The following PLAC9 variants were observed in gnomAD, a reference collection of about 807,000 sequenced individuals.
PLAC9 encodes placenta associated 9, also known as placenta-specific protein 9.
In PLAC9, 12 loss-of-function variants were observed where a neutral mutation model predicts 11.5. The ratio of observed to expected loss-of-function variants is 1.05; its 90% confidence interval spans 0.67 to 1.69. PLAC9 has a LOEUF of 1.69. Among genes scored for constraint, PLAC9 ranks in the 40% most tolerant of loss-of-function variants. The pLI, the probability that PLAC9 is intolerant of heterozygous loss-of-function variation, is 0.00. For missense variants in PLAC9, 132 were observed against 130.5 expected (o/e 1.01, Z -0.06); for synonymous variants, 62 against 58.1 (o/e 1.07, Z -0.31).
chr10:80,142,106 G>A lies in PLAC9; in HGVS notation c.89G>A (p.Arg30Gln), dbSNP rs763721079. 2.2e-5 allele frequency: 35 copies of A among 1,610,716 alleles called. No homozygotes were observed. The highest frequency in any genetic ancestry group is 1.6e-4 in the African/African-American group (12 of 75,004). ...GCTGCCGAACCCTTCAGCCCTCCGC[G>A]AGGAGACTCAGCTCAGAGCACAGCG... ...LAAAEPFSPP[R>Q]GDSAQSTACD... The change falls in exon 2 of 4, where the codon CGA becomes CAA. Residue 30 changes from arginine to glutamine, a missense_variant. Physicochemically the swap from Arg to Gln is conservative, Grantham distance 43. Coordinates refer to ENST00000372263, the MANE Select transcript of PLAC9 (RefSeq NM_001012973.3).
chr10:80,143,212 G>C (rs369612370), intron 2 of PLAC9, among the ~76,000 whole-genome samples: 6 of 147,552 alleles, frequency 4.1e-5, no homozygotes, highest in African/African-American at 1.0e-4. Flanking sequence ...CTAATTTTTT[G>C]TACTTACCAT....
At chr10:80,133,893 G>A (rs1290674424) in intron 1 of PLAC9, among the ~76,000 whole-genome samples, 1 of 143,212 alleles carries the variant, frequency 7.0e-6, no homozygotes, top group Non-Finnish European at 1.5e-5. Context: ...GCAGTGAGCC[G>A]AGATCAAGCC....
upstream of PLAC9, among the ~76,000 whole-genome samples, chr10:80,132,301 A>G (rs1844921050): frequency 6.6e-6 from 1 of 152,222 alleles, no homozygotes; most frequent in Non-Finnish European, 1.5e-5. Context: ...AAAAGCTGCC[A>G]AACTCCCAGG....
rs560963413 is a variant in PLAC9, at chr10:80,143,389, A to ATTTTTTTTTTTTT, written c.163-820_163-808dup. Reference sequence around the variant, plus strand: ...AAAAAGTTTAATTTTAAATACTTGAATTTTTTTTTTTTTTTTTTTTTTTTT... The same window carrying ATTTTTTTTTTTTT: ...AAAAAGTTTAATTTTAAATACTTGAATTTTTTTTTTTTTTTTTTTTTTTTTTTTTTTTTTTTTT... On this transcript the variant is annotated intron_variant, in intron 2 of 3. Coordinates refer to ENST00000372263, the MANE Select transcript of PLAC9 (RefSeq NM_001012973.3). Among the ~76,000 whole-genome samples, 44 of 89,944 alleles carry ATTTTTTTTTTTTT rather than the reference A, an allele frequency of 4.9e-4. 4 individuals are homozygous for ATTTTTTTTTTTTT. Among genetic ancestry groups the ATTTTTTTTTTTTT allele is most frequent in the African/African-American group, 2.2e-3 (44 of 19,966 alleles). 59.0% of individuals were successfully genotyped at this position (89,944 alleles called of 152,430 possible). A position where few individuals can be genotyped will look rare whatever the true frequency, so the allele number is the denominator to read the frequency against.
chr10:80,142,779 T>G (rs1329510011), intron 2 of PLAC9, among the ~76,000 whole-genome samples: 2 of 152,106 alleles, frequency 1.3e-5, no homozygotes, highest in African/African-American at 4.8e-5. Flanking sequence ...AGTGCCGTGG[T>G]GCAGTCTCGG....
Position 80,132,814 on chromosome 10 carries a change from G to A in PLAC9, c.52G>A (p.Gly18Ser). ...LTGLALLRAA[G>S]SLAAAEPFSP... is the part of the protein sequence containing the mutation. ...CGGACTGGCCCTGCTCCGCGCCGCGGGCTCTTTGGCCGGTGAGTGGGGCGC... is the reference window on the plus strand; with the variant it reads ...CGGACTGGCCCTGCTCCGCGCCGCGAGCTCTTTGGCCGGTGAGTGGGGCGC... The change falls in exon 1 of 4, where the codon GGC becomes AGC. Residue 18 changes from glycine to serine, a missense_variant. Transcript: ENST00000372263. 6.7e-7 allele frequency: 1 copy of A among 1,497,382 alleles called. No individual in the cohort carries two copies. Among genetic ancestry groups the A allele is most frequent in the Non-Finnish European group, 8.8e-7 (1 of 1,130,966 alleles). 92.8% of individuals were successfully genotyped at this position (1,497,382 alleles called of 1,614,324 possible). A position where few individuals can be genotyped will look rare whatever the true frequency, so the allele number is the denominator to read the frequency against.
At chr10:80,133,183 G>T (rs1844932942) in intron 1 of PLAC9, among the ~76,000 whole-genome samples, 1 of 152,206 alleles carries the variant, frequency 6.6e-6, no homozygotes, top group African/African-American at 2.4e-5. Flanking sequence ...GATTAAAATG[G>T]CAAGGGGTGG....
chr10:80,140,219 T>A (rs1225220252), intron 1 of PLAC9, among the ~76,000 whole-genome samples: 1 of 148,502 alleles, frequency 6.7e-6, no homozygotes, highest in East Asian at 2.0e-4. Context: ...TCCAATGCTT[T>A]AAAAAAAAAA....
intron 1 of PLAC9, among the ~76,000 whole-genome samples, chr10:80,134,637 C>A (rs1416820087): frequency 2.6e-5 from 4 of 152,126 alleles, no homozygotes; most frequent in African/African-American, 9.7e-5. Context: ...ATAAACATAA[C>A]TGCAATGCTA....
At chr10:80,135,275 G>T (rs11201833) in intron 1 of PLAC9, among the ~76,000 whole-genome samples, 41 of 147,122 alleles carry the variant, frequency 2.8e-4, no homozygotes, top group South Asian at 2.1e-4. Flanking sequence ...GCCCGCCTCG[G>T]CCTCCCAAAG....
chr10:80,140,509 C>T (rs559499578), intron 1 of PLAC9, among the ~76,000 whole-genome samples: 1 of 152,320 alleles, frequency 6.6e-6, no homozygotes, highest in South Asian at 2.1e-4. Flanking sequence ...ATCTGTAAAG[C>T]TCTTGGCTTC....
chr10:80,135,110 C>T (rs1844959805), intron 1 of PLAC9, among the ~76,000 whole-genome samples: 1 of 151,810 alleles, frequency 6.6e-6, no homozygotes, highest in African/African-American at 2.4e-5. Flanking sequence ...AGCTCCGCCT[C>T]CCGGGTTCAC....
chr10:80,136,402 C>A (rs1844975868), intron 1 of PLAC9, among the ~76,000 whole-genome samples: 1 of 152,206 alleles, frequency 6.6e-6, no homozygotes, highest in Non-Finnish European at 1.5e-5. Flanking sequence ...ATCCTTCAGT[C>A]TTTTCCACTC....
rs545600762 is a variant in PLAC9, at chr10:80,137,525, A to G, written c.65-4557A>G. 1.5e-4 allele frequency among the ~76,000 whole-genome samples: 23 copies of G among 152,328 alleles called. No individual in the cohort carries two copies. In the East Asian group the frequency reaches 4.4e-3, roughly 29 times the overall value. ...GACTCATGACAACAGGCCCTCCCCTAGGACGGCCACTCTGTGGGTGACAAC... is the reference window on the plus strand; with the variant it reads ...GACTCATGACAACAGGCCCTCCCCTGGGACGGCCACTCTGTGGGTGACAAC... On this transcript the variant is annotated intron_variant, in intron 1 of 3. Coordinates refer to ENST00000372263, the MANE Select transcript of PLAC9 (RefSeq NM_001012973.3).
intron 1 of PLAC9, among the ~76,000 whole-genome samples, chr10:80,133,120 T>C (rs895827001): frequency 4.0e-5 from 6 of 150,946 alleles, no homozygotes; most frequent in African/African-American, 1.5e-4. Context: ...TGAACTAAGA[T>C]AGAAAGAAAA....
upstream of PLAC9, among the ~76,000 whole-genome samples, chr10:80,132,219 T>C (rs1844920552): frequency 6.6e-6 from 1 of 152,240 alleles, no homozygotes. Flanking sequence ...AGTGAGTTTC[T>C]GGGTCTCCCT....
At chr10:80,133,333 G>A (rs1281375616) in intron 1 of PLAC9, among the ~76,000 whole-genome samples, 3 of 152,204 alleles carry the variant, frequency 2.0e-5, no homozygotes, top group Non-Finnish European at 4.4e-5. Flanking sequence ...TGCTGGGTGG[G>A]GCAGCCCCGG....
In PLAC9 at chr10:80,144,911, G is replaced by A. The variant is rs770623138; in HGVS notation, c.*1G>A. ...CTGCTTTCTTTCAGATGGCTTCTGA[G>A]CCCTGGAGCTGGAGCCCAGCAGTTG... On this transcript the variant is annotated 3_prime_UTR_variant, in exon 4 of 4. Transcript: ENST00000372263. The A allele has an allele frequency of 2.0e-4, 322 of 1,575,850 alleles. No individual in the cohort carries two copies. Among genetic ancestry groups the A allele is most frequent in the Non-Finnish European group, 2.6e-4 (304 of 1,160,196 alleles).
rs527910090 is a variant in PLAC9 at position 80,132,875 on chromosome 10, G to A, written c.64+49G>A. 73 of 1,415,876 alleles carry A rather than the reference G, an allele frequency of 5.2e-5. 1 individual carries two copies. The South Asian group carries it at 9.2e-4, about 18-fold the overall frequency. The allele number at this position is 1,415,876 out of a possible 1,614,324, so 87.7% of individuals were successfully genotyped here. A position where few individuals can be genotyped will look rare whatever the true frequency, so the allele number is the denominator to read the frequency against. On this transcript the variant is annotated intron_variant, in intron 1 of 3. Transcript: ENST00000372263. The stretch of plus-strand genomic sequence containing the variant: ...AGGGGACCTGGAGCCGGGGAGACCC[G>A]CAGATGGCGAGGAAGGAATGAGCGA...
Sources: allele counts gnomAD v4.1 joint callset (sites outside exome capture counted in the v4.1 genomes callset), GRCh38; gene constraint gnomAD v4.1.1; transcripts MANE v1.5; gene names NCBI Gene and HGNC (gene_info 2026-07-23, HGNC 2026-07-21).